The following EXOC4 variants were observed in gnomAD, a reference collection of about 807,000 sequenced individuals.
The protein encoded by EXOC4 is SEC8-like 1.
Under a neutral mutation model 107.2 loss-of-function variants are expected in EXOC4, and 71 were observed. The observed-to-expected ratio is 0.66, with a 90% CI of 0.55 to 0.81. The LOEUF (loss-of-function observed/expected upper bound fraction) is 0.81, where lower values mean the gene tolerates loss of function less well. Ranked by LOEUF, EXOC4 falls within the 30% of genes least tolerant of loss-of-function variation. The pLI is 0.00. For synonymous variants in EXOC4, 456 were observed against 441.2 expected (o/e 1.03, Z -0.42); for missense variants, 1,108 against 1,189.6 (o/e 0.93, Z 1.01).
At chr7:133,665,902 G>T (rs1326106323) in intron 10 of EXOC4, among the ~76,000 whole-genome samples, 2 of 152,160 alleles carry the variant, frequency 1.3e-5, no homozygotes, top group African/African-American at 4.8e-5. Context: ...AAGAACAAAA[G>T]AGTTTCAAGG....
chr7:133,739,222 T>G (rs71535765), intron 10 of EXOC4, among the ~76,000 whole-genome samples: 3,656 of 142,426 alleles, frequency 0.026, 88 homozygotes, highest in Middle Eastern at 0.039. Context: ...GTAGAGGGGT[T>G]TGTGTGTGTG....
intron 13 of EXOC4, among the ~76,000 whole-genome samples, chr7:133,935,204 C>T (rs1355326319): frequency 6.6e-6 from 1 of 152,002 alleles, no homozygotes; most frequent in African/African-American, 2.4e-5. Context: ...AGAAGAGCTA[C>T]TGCAGCCCCA....
At chr7:133,960,852 A>G (rs1800926371) in intron 14 of EXOC4, among the ~76,000 whole-genome samples, 1 of 152,218 alleles carries the variant, frequency 6.6e-6, no homozygotes. Flanking sequence ...AAGCACTGCC[A>G]TTTATTGAGA....
At chr7:133,500,939 A>G (rs1799563604) in intron 9 of EXOC4, among the ~76,000 whole-genome samples, 1 of 152,172 alleles carries the variant, frequency 6.6e-6, no homozygotes, top group South Asian at 2.1e-4. Flanking sequence ...GAATTCATCT[A>G]GACCTCTTAT....
At chr7:133,599,377 T>C (rs747271154) in intron 9 of EXOC4, among the ~76,000 whole-genome samples, 11 of 152,260 alleles carry the variant, frequency 7.2e-5, no homozygotes, top group Non-Finnish European at 1.5e-4. Context: ...ATGTCCTTGC[T>C]GAATGCTACT....
chr7:133,582,571 A>T (rs6975109), intron 9 of EXOC4, among the ~76,000 whole-genome samples: 35,785 of 151,876 alleles, frequency 0.24, 4,935 homozygotes, highest in African/African-American at 0.37. Flanking sequence ...TTATGGGGTC[A>T]CAATTGCTCT....
chr7:133,999,644 A>G (rs1794485069), intron 15 of EXOC4, among the ~76,000 whole-genome samples: 1 of 152,244 alleles, frequency 6.6e-6, no homozygotes, highest in Non-Finnish European at 1.5e-5. Context: ...ACCAAGTAAT[A>G]TTCTAATGCC....
chr7:134,086,282 G>T, the EXOC4 span, among the ~76,000 whole-genome samples: 1 of 152,202 alleles, frequency 6.6e-6, no homozygotes, highest in Non-Finnish European at 1.5e-5. Flanking sequence ...AACTTGAAAT[G>T]TTCCAAAATT....
At chr7:134,035,099 G>A (rs1795358695) in intron 17 of EXOC4, among the ~76,000 whole-genome samples, 1 of 145,240 alleles carries the variant, frequency 6.9e-6, no homozygotes, top group African/African-American at 2.6e-5. Context: ...AGGCTGGAGT[G>A]CAGTGGCATG....
intron 14 of EXOC4, among the ~76,000 whole-genome samples, chr7:133,948,655 C>T (rs1351586783): frequency 2.0e-5 from 3 of 152,162 alleles, no homozygotes; most frequent in African/African-American, 4.8e-5. Context: ...ATTCAGATTA[C>T]ATTTCAGACT....
At chr7:133,787,551 A>G (rs1469959790) in intron 10 of EXOC4, among the ~76,000 whole-genome samples, 1 of 151,784 alleles carries the variant, frequency 6.6e-6, no homozygotes, top group Non-Finnish European at 1.5e-5. Context: ...AATACTGTAG[A>G]TTGGGTGGCT....
intron 17 of EXOC4, among the ~76,000 whole-genome samples, chr7:134,028,522 G>A (rs950271582): frequency 3.3e-5 from 5 of 152,226 alleles, no homozygotes; most frequent in South Asian, 2.1e-4. Context: ...GCTGAGATGC[G>A]TAAAGTGAAG....
intron 10 of EXOC4, among the ~76,000 whole-genome samples, chr7:133,783,240 T>C (rs1291453405): frequency 4.6e-5 from 7 of 152,222 alleles, no homozygotes; most frequent in African/African-American, 7.2e-5. Flanking sequence ...ACAGGAGACC[T>C]AAGTATATGA....
chr7:133,751,469 A>G (rs540469896), intron 10 of EXOC4, among the ~76,000 whole-genome samples: 1 of 152,210 alleles, frequency 6.6e-6, no homozygotes. Flanking sequence ...ATTTGTCAGC[A>G]TGTAAGGGGG....
intron 1 of EXOC4, among the ~76,000 whole-genome samples, chr7:133,255,165 GCTTTTCTTTT>G (rs147807041): frequency 6.8e-5 from 8 of 117,080 alleles, no homozygotes; most frequent in South Asian, 3.0e-4. Context: ...GCATTATATT[GCTTTTCTTTT>G]CTTTTCTTTT....
At chr7:133,995,337 G>A (rs1298821001) in intron 14 of EXOC4, among the ~76,000 whole-genome samples, 2 of 152,148 alleles carry the variant, frequency 1.3e-5, no homozygotes, top group Non-Finnish European at 2.9e-5. Context: ...CCTCAGATTA[G>A]GAGTGAGACT....
intron 7 of EXOC4, 46 bp downstream of exon 7, chr7:133,375,048 T>A (rs2150689913): frequency 6.6e-7 from 1 of 1,522,118 alleles, no homozygotes; most frequent in Non-Finnish European, 9.0e-7. Context: ...AGAGTAACAG[T>A]TTAGAATAAC....
intron 5 of EXOC4, among the ~76,000 whole-genome samples, chr7:133,320,530 T>A (rs933861805): frequency 2.6e-5 from 4 of 152,176 alleles, no homozygotes; most frequent in African/African-American, 9.7e-5. Flanking sequence ...TAATTCTGGC[T>A]AATCTTCCCA....
At chr7:133,648,951 CA>C (rs1190197544) in intron 10 of EXOC4, among the ~76,000 whole-genome samples, 1 of 152,124 alleles carries the variant, frequency 6.6e-6, no homozygotes, top group Admixed American at 6.5e-5. Flanking sequence ...CCTTTAATAT[CA>C]CAAAGAGAGA....
Sources: gnomAD v4.1 joint callset for allele counts (sites outside exome capture counted in the v4.1 genomes callset) on GRCh38, gnomAD v4.1.1 for gene constraint, MANE v1.5 for transcripts, NCBI Gene and HGNC (gene_info 2026-07-23, HGNC 2026-07-21) for gene names.